Variants in ARHGAP10 observed in about 807,000 individuals in gnomAD.
The protein encoded by ARHGAP10 is Rho GTPase activating protein 10, also known as rho GTPase-activating protein 10.
Under a neutral mutation model 108.6 loss-of-function variants are expected in ARHGAP10, and 87 were observed. The observed-to-expected ratio is 0.80, with a 90% confidence interval of 0.67 to 0.96. The LOEUF (loss-of-function observed/expected upper bound fraction) is 0.96. Among genes scored for constraint, ARHGAP10 ranks in the 40% least tolerant of loss-of-function variants. ARHGAP10 has a pLI of 0.00. For missense variants in ARHGAP10, 939 were observed against 954.5 expected (o/e 0.98, Z 0.21); for synonymous variants, 347 against 341.1 (o/e 1.02, Z -0.19).
intron 10 of ARHGAP10, among the ~76,000 whole-genome samples, chr4:147,903,607 C>G (rs532585581): frequency 6.6e-6 from 1 of 152,292 alleles, no homozygotes; most frequent in East Asian, 1.9e-4. Flanking sequence ...TGTGCTCCAC[C>G]TGTTCATCCC....
At chr4:147,965,480 CTTAA>C (rs1560849376) in intron 17 of ARHGAP10, among the ~76,000 whole-genome samples, 1 of 152,146 alleles carries the variant, frequency 6.6e-6, no homozygotes, top group Non-Finnish European at 1.5e-5. Flanking sequence ...TTTAAGTTGG[CTTAA>C]TTCAATAATG....
intron 13 of ARHGAP10, among the ~76,000 whole-genome samples, chr4:147,932,631 A>G (rs148945751): frequency 3.1e-3 from 443 of 141,300 alleles, no homozygotes; most frequent in Non-Finnish European, 5.3e-3. Flanking sequence ...GGGGAACAAC[A>G]CACACTGGGA....
intron 1 of ARHGAP10, among the ~76,000 whole-genome samples, chr4:147,796,628 C>G (rs1465834142): frequency 1.3e-5 from 2 of 152,070 alleles, no homozygotes; most frequent in Non-Finnish European, 1.5e-5. Flanking sequence ...CAGGTTCAAG[C>G]GATTCTCCTG....
At chr4:147,855,711 T>C (rs1734059299) in intron 4 of ARHGAP10, among the ~76,000 whole-genome samples, 1 of 148,584 alleles carries the variant, frequency 6.7e-6, no homozygotes, top group Admixed American at 6.7e-5. Context: ...TTTTAAGTTG[T>C]GCAGCTAGTT....
intron 11 of ARHGAP10, 33 bp from the exon 12 acceptor site, chr4:147,909,695 GATTA>G: frequency 1.3e-6 from 2 of 1,565,806 alleles, no homozygotes; most frequent in Non-Finnish European, 1.8e-6. Flanking sequence ...TTGCTGATTT[GATTA>G]AAAAATTCTG....
chr4:147,741,758 C>T (rs548147040), intron 1 of ARHGAP10, among the ~76,000 whole-genome samples: 5 of 144,492 alleles, frequency 3.5e-5, no homozygotes, highest in East Asian at 2.1e-4. Flanking sequence ...ATCTTGATAT[C>T]GTTCTCTTTA....
intron 4 of ARHGAP10, among the ~76,000 whole-genome samples, chr4:147,851,823 T>A (rs1332291503): frequency 6.6e-6 from 1 of 152,188 alleles, no homozygotes; most frequent in East Asian, 1.9e-4. Flanking sequence ...AGTGCTGTAA[T>A]AGCGGTAAGC....
At chr4:148,043,789 T>C (rs1578820688) in intron 19 of ARHGAP10, among the ~76,000 whole-genome samples, 1 of 146,234 alleles carries the variant, frequency 6.8e-6, no homozygotes, top group African/African-American at 2.5e-5. Flanking sequence ...TATATATATG[T>C]ATATATATAT....
At chr4:147,919,788 C>T (rs556261606) in intron 13 of ARHGAP10, among the ~76,000 whole-genome samples, 10 of 152,008 alleles carry the variant, frequency 6.6e-5, no homozygotes, top group East Asian at 1.9e-4. Context: ...ACCATGTTGG[C>T]GAGGCTGGTC....
intron 20 of ARHGAP10, among the ~76,000 whole-genome samples, chr4:148,055,757 A>C (rs1025686407): frequency 1.3e-5 from 2 of 152,166 alleles, no homozygotes; most frequent in Non-Finnish European, 1.5e-5. Context: ...TGCTGGCTTC[A>C]TGTATTGGCT....
intron 13 of ARHGAP10, among the ~76,000 whole-genome samples, chr4:147,930,856 T>C (rs1444470983): frequency 6.6e-6 from 1 of 152,226 alleles, no homozygotes; most frequent in Non-Finnish European, 1.5e-5. Flanking sequence ...TTATCAGCCC[T>C]CTTAAGTTTT....
intron 16 of ARHGAP10, among the ~76,000 whole-genome samples, chr4:147,960,706 A>G (rs1738956974): frequency 6.6e-6 from 1 of 152,256 alleles, no homozygotes; most frequent in African/African-American, 2.4e-5. Flanking sequence ...CAAGCAATCA[A>G]ACATCATCAG....
At chr4:147,737,957 T>G (rs1452561554) in intron 1 of ARHGAP10, among the ~76,000 whole-genome samples, 1 of 152,086 alleles carries the variant, frequency 6.6e-6, no homozygotes, top group Non-Finnish European at 1.5e-5. Context: ...TCACATTGCC[T>G]TTCTCTGTCC....
Position 147,874,073 on chromosome 4 carries a change from C to T in ARHGAP10, c.703-948C>T, listed in dbSNP as rs1387715759. 2.6e-5 allele frequency among the ~76,000 whole-genome samples: 4 copies of T among 151,716 alleles called. No homozygotes were observed. The East Asian group carries it at 7.7e-4, about 29-fold the overall frequency. On this transcript the variant is annotated intron_variant, in intron 7 of 22. Transcript: ENST00000336498. Reference sequence around the variant, plus strand: ...GCAGACAGGTTTTCCCTTTTACAATCTACATTTATCAGACTCTCCATCCCT... The same window carrying T: ...GCAGACAGGTTTTCCCTTTTACAATTTACATTTATCAGACTCTCCATCCCT...
At position 147,822,625 on chromosome 4, in the gene ARHGAP10, G is replaced by A. The variant is rs534165110; in HGVS notation, c.155-102G>A. ...GGTCATGCCTTCTCATAGATTGAGC[G>A]GAGGAGAGCTCTACAGCTTTACCAA... is the stretch of plus-strand genomic sequence containing the variant. On this transcript the variant is annotated intron_variant, in intron 1 of 22. Coordinates refer to ENST00000336498, the MANE Select transcript of ARHGAP10 (RefSeq NM_024605.4). 1,180 of 1,160,806 alleles carry A rather than the reference G, an allele frequency of 1.0e-3. 2 individuals carry two copies. The highest frequency in any genetic ancestry group is 1.3e-3 in the Non-Finnish European group (1,052 of 793,404). 71.9% of individuals were successfully genotyped at this position (1,160,806 alleles called of 1,614,324 possible).
At chr4:147,931,858 G>A (rs183770060) in intron 13 of ARHGAP10, among the ~76,000 whole-genome samples, 38 of 152,284 alleles carry the variant, frequency 2.5e-4, no homozygotes, top group African/African-American at 8.7e-4. Flanking sequence ...CTTCTGCACA[G>A]CAAAAGAAAC....
chr4:147,813,419 C>T (rs1732112668), intron 1 of ARHGAP10, among the ~76,000 whole-genome samples: 2 of 152,116 alleles, frequency 1.3e-5, no homozygotes, highest in Admixed American at 6.5e-5. Context: ...TCTGTCATGG[C>T]CTTCCGTGGG....
chr4:147,925,481 G>A (rs1378274334), intron 13 of ARHGAP10, among the ~76,000 whole-genome samples: 5 of 152,178 alleles, frequency 3.3e-5, no homozygotes, highest in Non-Finnish European at 7.3e-5. Context: ...AGCTACATGA[G>A]TGATGAGCTT....
intron 10 of ARHGAP10, among the ~76,000 whole-genome samples, chr4:147,893,218 C>G (rs1735856246): frequency 6.6e-6 from 1 of 151,862 alleles, no homozygotes; most frequent in Non-Finnish European, 1.5e-5. Flanking sequence ...GCCACCATGC[C>G]CAGCTAATTT....
Sources: gnomAD v4.1 joint callset for allele counts (sites outside exome capture counted in the v4.1 genomes callset) on GRCh38, gnomAD v4.1.1 for gene constraint, MANE v1.5 for transcripts, NCBI Gene and HGNC (gene_info 2026-07-23, HGNC 2026-07-21) for gene names.